Variants in KALRN observed in about 807,000 individuals in gnomAD.
The protein encoded by KALRN is kalirin RhoGEF kinase, also known as kalirin.
KALRN carries 70 observed loss-of-function variants against 353.7 expected under a neutral mutation model. The observed-to-expected ratio is 0.20, with a 90% confidence interval of 0.16 to 0.24. The LOEUF (loss-of-function observed/expected upper bound fraction) is 0.24, where lower values mean the gene tolerates loss of function less well. KALRN is among the 10% of genes least tolerant of loss of function. The pLI, the probability that KALRN is intolerant of heterozygous loss-of-function variation, is 1.00. For missense variants in KALRN, 2,791 were observed against 3,756.7 expected (o/e 0.74, Z 6.72); for synonymous variants, 1,391 against 1,434.8 (o/e 0.97, Z 0.69).
intron 34 of KALRN, among the ~76,000 whole-genome samples, chr3:124,572,093 C>T (rs2073577170): frequency 6.6e-6 from 1 of 151,586 alleles, no homozygotes; most frequent in Non-Finnish European, 1.5e-5. Flanking sequence ...GAGGCCAAGG[C>T]AGATGGATCA....
At chr3:124,354,808 G>A (rs1215766057) in intron 10 of KALRN, among the ~76,000 whole-genome samples, 1 of 152,196 alleles carries the variant, frequency 6.6e-6, no homozygotes, top group East Asian at 1.9e-4. Context: ...GAAAGGACTT[G>A]TTCTAATGGG....
chr3:124,266,766 A>G lies in KALRN; in HGVS notation c.457-1977A>G, dbSNP rs545974671. Among the ~76,000 whole-genome samples the G allele has an allele frequency of 3.3e-5, 5 of 152,342 alleles. No individual in the cohort carries two copies. In the South Asian group the frequency reaches 1.0e-3, roughly 32 times the overall value. On this transcript the variant is annotated intron_variant, in intron 4 of 59. Transcript: ENST00000682506. ...CTCACTCTGTGTAAACAATACAAGA[A>G]ATTTGGCTTGGTATAAAAACAGTGA...
intron 17 of KALRN, 91 bp downstream of exon 17, chr3:124,434,616 C>T (rs532149259): frequency 3.3e-5 from 37 of 1,132,056 alleles, no homozygotes; most frequent in East Asian, 4.9e-5. Context: ...CTTATGTCAG[C>T]GAGAAGCCTG....
At chr3:124,715,817 C>T (rs2063109655) in intron 58 of KALRN, among the ~76,000 whole-genome samples, 1 of 152,206 alleles carries the variant, frequency 6.6e-6, no homozygotes, top group African/African-American at 2.4e-5. Flanking sequence ...CATTTGGTAA[C>T]TCCTTGCTGT....
intron 34 of KALRN, among the ~76,000 whole-genome samples, chr3:124,581,243 C>T (rs1049864889): frequency 6.6e-5 from 10 of 152,058 alleles, no homozygotes; most frequent in Non-Finnish European, 1.3e-4. Context: ...AATCCCAAAA[C>T]TTAGATGTGC....
rs529367801 is a variant in KALRN, at chr3:124,454,156, T to C, written c.3553-1021T>C. Among the ~76,000 whole-genome samples, 2 of 152,356 alleles carry C rather than the reference T, an allele frequency of 1.3e-5. 1 individual carries two copies. Among genetic ancestry groups the C allele is most frequent in the African/African-American group, 4.8e-5 (2 of 41,598 alleles). ...TCTCTAATGGAAACTAAAGACAAGA[T>C]TCTGGTGGTGACAGGGACAGAGTTA... On this transcript the variant is annotated intron_variant, in intron 21 of 59. Transcript: ENST00000682506.
At chr3:124,683,676 C>T (rs1425032009) in intron 51 of KALRN, among the ~76,000 whole-genome samples, 1 of 152,216 alleles carries the variant, frequency 6.6e-6, no homozygotes, top group East Asian at 1.9e-4. Context: ...GCCTCTGCCC[C>T]AGCCATTCAA....
At chr3:124,529,535 G>A (rs951812301) in intron 33 of KALRN, among the ~76,000 whole-genome samples, 2 of 152,192 alleles carry the variant, frequency 1.3e-5, no homozygotes, top group East Asian at 3.9e-4. Flanking sequence ...GCAAATTATA[G>A]CGTTGGAGCT....
intron 25 of KALRN, among the ~76,000 whole-genome samples, chr3:124,469,084 A>T (rs754849511): frequency 2.0e-5 from 3 of 152,246 alleles, no homozygotes; most frequent in Non-Finnish European, 2.9e-5. Context: ...GCATAAGATT[A>T]ATCTTTTGTA....
chr3:124,148,595 A>G (rs191394688), intron 1 of KALRN, among the ~76,000 whole-genome samples: 30 of 152,338 alleles, frequency 2.0e-4, no homozygotes, highest in Admixed American at 2.6e-4. Flanking sequence ...TGGGTGCTAG[A>G]GTCTGACTAT....
At chr3:124,103,880 T>C (rs761946335) in intron 1 of KALRN, among the ~76,000 whole-genome samples, 5 of 152,060 alleles carry the variant, frequency 3.3e-5, no homozygotes, top group African/African-American at 4.8e-5. Context: ...TGCTTGAACC[T>C]GAGAGGTGGA....
intron 14 of KALRN, among the ~76,000 whole-genome samples, chr3:124,414,653 C>T (rs183308996): frequency 1.3e-5 from 2 of 152,270 alleles, no homozygotes; most frequent in African/African-American, 4.8e-5. Flanking sequence ...GGAGAGAGCA[C>T]CATGGTGATC....
intron 1 of KALRN, among the ~76,000 whole-genome samples, chr3:124,188,537 G>A (rs760956209): frequency 1.3e-4 from 20 of 152,164 alleles, no homozygotes; most frequent in African/African-American, 4.3e-4. Context: ...TATCTTCAGC[G>A]TCTCTTGTAA....
At position 124,309,436 on chromosome 3, in the gene KALRN, G is replaced by T. The variant is rs1050501123; in HGVS notation, c.1092+10523G>T. ...ATTAGCCAGACATGGTGGTGCTCACGAATAGTCCCAGCTACTTGTGAGGCT... is the reference window on the plus strand; with the variant it reads ...ATTAGCCAGACATGGTGGTGCTCACTAATAGTCCCAGCTACTTGTGAGGCT... On this transcript the variant is annotated intron_variant, in intron 6 of 59. Coordinates refer to ENST00000682506, the MANE Select transcript of KALRN (RefSeq NM_001388419.1). Among the ~76,000 whole-genome samples the T allele has an allele frequency of 2.6e-5, 4 of 152,050 alleles. No homozygotes were observed. The South Asian group carries it at 8.3e-4, about 31-fold the overall frequency.
At chr3:124,460,447 G>T (rs1286481511) in intron 23 of KALRN, among the ~76,000 whole-genome samples, 1 of 152,158 alleles carries the variant, frequency 6.6e-6, no homozygotes, top group Non-Finnish European at 1.5e-5. Flanking sequence ...GAGAACAAAA[G>T]AACAATTCTA....
At chr3:124,327,802 T>C (rs771443152) in intron 7 of KALRN, among the ~76,000 whole-genome samples, 6 of 152,208 alleles carry the variant, frequency 3.9e-5, no homozygotes, top group Non-Finnish European at 8.8e-5. Flanking sequence ...AATTTCTCCC[T>C]CTGTTACCCT....
Position 124,674,494 on chromosome 3 carries a change from T to C in KALRN, c.7073T>C (p.Met2358Thr). 6.8e-6 allele frequency: 11 copies of C among 1,613,962 alleles called. No individual in the cohort carries two copies. The highest frequency in any genetic ancestry group is 9.3e-6 in the Non-Finnish European group (11 of 1,179,970). The change falls in exon 49 of 60, where the codon ATG (methionine) becomes ACG (threonine). Residue 2358 changes from methionine (M) to threonine (T), a missense_variant. Met to Thr is a moderately conservative substitution (Grantham distance 81, BLOSUM62 -1). This residue lies in a region of KALRN where 1,065 missense variants were observed against 1,156.4 expected (regional missense o/e 0.92). Transcript: ENST00000682506. ...VQVLAVNQQNMCLVYQPASDH... is the reference protein window; with the variant it reads ...VQVLAVNQQNTCLVYQPASDH... ...GTCCTCGCCGTCAACCAGCAGAACA[T>C]GTGTCTGGTGTACCAGCCTGCCAGC... is the stretch of plus-strand genomic sequence containing the variant.
chr3:124,387,554 G>A (rs898936565), intron 11 of KALRN, among the ~76,000 whole-genome samples: 1 of 152,136 alleles, frequency 6.6e-6, no homozygotes, highest in Non-Finnish European at 1.5e-5. Flanking sequence ...GACTCTAAAG[G>A]CCATGCTTTT....
chr3:124,263,059 G>A (rs550251118), intron 3 of KALRN, among the ~76,000 whole-genome samples: 5 of 152,180 alleles, frequency 3.3e-5, no homozygotes, highest in Non-Finnish European at 7.3e-5. Flanking sequence ...TCCAAACTGA[G>A]ATGTTATAAC....
Sources: allele counts gnomAD v4.1 joint callset (sites outside exome capture counted in the v4.1 genomes callset), GRCh38; gene constraint gnomAD v4.1.1; regional missense constraint gnomAD v4.1.1; transcripts MANE v1.5; gene names NCBI Gene and HGNC (gene_info 2026-07-23, HGNC 2026-07-21).